The following TYW1 variants were observed in gnomAD, a reference collection of about 807,000 sequenced individuals.
TYW1 encodes S-adenosyl-L-methionine-dependent tRNA 4-demethylwyosine synthase TYW1.
In TYW1, 46 loss-of-function variants were observed where a neutral mutation model predicts 96.2. The observed-to-expected ratio is 0.48, with a 90% CI of 0.38 to 0.61. The LOEUF (loss-of-function observed/expected upper bound fraction) is 0.61, where lower values mean the gene tolerates loss of function less well. Ranked by LOEUF, TYW1 falls within the 20% of genes least tolerant of loss-of-function variation. The pLI, the probability that TYW1 is intolerant of heterozygous loss-of-function variation, is 0.00. For synonymous variants in TYW1, 274 were observed against 323.0 expected (o/e 0.85, Z 1.63); for missense variants, 684 against 909.6 (o/e 0.75, Z 3.19).
intron 7 of TYW1, among the ~76,000 whole-genome samples, chr7:67,039,398 C>T (rs1312845741): frequency 6.6e-6 from 1 of 150,642 alleles, no homozygotes; most frequent in Non-Finnish European, 1.5e-5. Flanking sequence ...GTGGAGCTTG[C>T]AGTGAGCCGA....
At chr7:67,139,584 G>T (rs1261060968) in intron 13 of TYW1, among the ~76,000 whole-genome samples, 5 of 152,090 alleles carry the variant, frequency 3.3e-5, no homozygotes, top group Non-Finnish European at 5.9e-5. Context: ...AGAACCCACA[G>T]ATATGAAAAG....
intron 13 of TYW1, among the ~76,000 whole-genome samples, chr7:67,158,867 G>A (rs1260133023): frequency 6.6e-6 from 1 of 152,110 alleles, no homozygotes; most frequent in African/African-American, 2.4e-5. Context: ...CACTGCACCC[G>A]CCCTCTTTTC....
At chr7:67,213,099 C>A (rs1801092340) in intron 15 of TYW1, among the ~76,000 whole-genome samples, 1 of 152,076 alleles carries the variant, frequency 6.6e-6, no homozygotes, top group Non-Finnish European at 1.5e-5. Context: ...TCTCGAACTC[C>A]TGACCTCAGG....
chr7:67,116,699 G>A (rs1332778190), intron 12 of TYW1, among the ~76,000 whole-genome samples: 3 of 151,956 alleles, frequency 2.0e-5, no homozygotes, highest in Admixed American at 6.6e-5. Context: ...GATTGGGCCG[G>A]GGGAAAAGAC....
At chr7:67,134,523 T>C (rs1208760064) in intron 13 of TYW1, among the ~76,000 whole-genome samples, 1 of 150,446 alleles carries the variant, frequency 6.6e-6, no homozygotes, top group African/African-American at 2.4e-5. Context: ...GGCTAGGTGA[T>C]AGAGCAAGAC....
chr7:67,035,379 G>A (rs1794804787), intron 7 of TYW1, among the ~76,000 whole-genome samples: 1 of 152,044 alleles, frequency 6.6e-6, no homozygotes, highest in African/African-American at 2.4e-5. Flanking sequence ...GTCTCCCAAA[G>A]TGTTGGGATT....
At position 67,083,472 on chromosome 7, in the gene TYW1, G is replaced by C. The variant is rs372808876; in HGVS notation, c.1317G>C (p.Met439Ile). 3 of 1,614,146 alleles carry C rather than the reference G, an allele frequency of 1.9e-6. No homozygotes were observed. The change falls in exon 11 of 16, where the codon ATG (methionine) becomes ATC (isoleucine). Residue 439 changes from methionine (M) to isoleucine (I), a missense_variant. Transcript: ENST00000359626. ...NPVGTEWRWKMDQPEMILKEA... is the reference protein window; with the variant it reads ...NPVGTEWRWKIDQPEMILKEA... ...TGGGCACTGAGTGGCGGTGGAAGAT[G>C]GACCAGCCTGAAATGATCTTGAAGG... is the stretch of plus-strand genomic sequence containing the variant.
At chr7:67,038,658 C>T (rs1794915523) in intron 7 of TYW1, among the ~76,000 whole-genome samples, 1 of 152,006 alleles carries the variant, frequency 6.6e-6, no homozygotes, top group African/African-American at 2.4e-5. Flanking sequence ...AATCCCAGCA[C>T]TTTGGGAGGC....
At chr7:67,190,919 C>G (rs1343891988) in intron 14 of TYW1, among the ~76,000 whole-genome samples, 3 of 152,152 alleles carry the variant, frequency 2.0e-5, no homozygotes, top group Non-Finnish European at 4.4e-5. Context: ...TTCCCACAGA[C>G]CATGAATCCC....
chr7:67,220,938 G>T (rs1380324410), intron 15 of TYW1, among the ~76,000 whole-genome samples: 2 of 151,538 alleles, frequency 1.3e-5, no homozygotes, highest in East Asian at 2.0e-4. Context: ...GGTTGGTCAG[G>T]CTGGTCTTGA....
intron 13 of TYW1, among the ~76,000 whole-genome samples, chr7:67,175,668 TAAAAAG>T (rs1799650587): frequency 6.6e-6 from 1 of 152,174 alleles, no homozygotes; most frequent in African/African-American, 2.4e-5. Flanking sequence ...GATGTCATAA[TAAAAAG>T]AAAGCTGGTA....
intron 9 of TYW1, among the ~76,000 whole-genome samples, chr7:67,062,577 A>AAAAAAAAAAGAAAAG (rs773963932): frequency 1.4e-5 from 2 of 147,120 alleles, no homozygotes; most frequent in Non-Finnish European, 3.0e-5. Context: ...AAAAAAAAAA[A>AAAAAAAAAAGAAAAG]AAAAGAAAAG....
In TYW1 at chr7:67,024,874, G is replaced by A. The variant is rs190765262; in HGVS notation, c.862-26G>A. 82 of 1,613,098 alleles carry A rather than the reference G, an allele frequency of 5.1e-5. No individual in the cohort carries two copies. In the African/African-American group the frequency reaches 9.7e-4, roughly 19 times the overall value. On this transcript the variant is annotated intron_variant, in intron 6 of 15. Transcript: ENST00000359626. ...CTTTGCCTTTGCCCCTTTGAACAAT[G>A]TATTTCTGAAGCATTTCTCTTCCAG...
chr7:67,059,765 A>G (rs1279030323), intron 9 of TYW1, among the ~76,000 whole-genome samples: 2 of 151,322 alleles, frequency 1.3e-5, no homozygotes, highest in East Asian at 1.9e-4. Flanking sequence ...TTCATCTTGT[A>G]GTTATTTTTA....
At chr7:67,193,343 A>T (rs1800280101) in intron 14 of TYW1, among the ~76,000 whole-genome samples, 1 of 152,200 alleles carries the variant, frequency 6.6e-6, no homozygotes, top group African/African-American at 2.4e-5. Context: ...AGTTTAGTGC[A>T]CCAGTCATCT....
chr7:67,039,464 A>C (rs1794946320), intron 7 of TYW1, among the ~76,000 whole-genome samples: 1 of 151,792 alleles, frequency 6.6e-6, no homozygotes, highest in Non-Finnish European at 1.5e-5. Flanking sequence ...TCTCAAAAAA[A>C]AAAAAAAGAA....
chr7:67,124,314 G>A (rs1481989134), intron 13 of TYW1, among the ~76,000 whole-genome samples: 1 of 152,004 alleles, frequency 6.6e-6, no homozygotes, highest in East Asian at 1.9e-4. Flanking sequence ...GCCCAAGCTG[G>A]TCTTGAACTC....
At chr7:67,202,155 G>C (rs766405443) in intron 15 of TYW1, among the ~76,000 whole-genome samples, 1 of 152,060 alleles carries the variant, frequency 6.6e-6, no homozygotes, top group Non-Finnish European at 1.5e-5. Flanking sequence ...TTTCGTTGTT[G>C]ATCTCGGAGT....
chr7:67,220,201 A>ATTTTTTTTTTTTTTTTT (rs57595328), intron 15 of TYW1, among the ~76,000 whole-genome samples: 4 of 93,168 alleles, frequency 4.3e-5, no homozygotes, highest in Admixed American at 1.4e-4. Flanking sequence ...TCATTTATTG[A>ATTTTTTTTTTTTTTTTT]TTTTTTTTTT....
Sources: gnomAD v4.1 joint callset for allele counts (sites outside exome capture counted in the v4.1 genomes callset) on GRCh38, gnomAD v4.1.1 for gene constraint, MANE v1.5 for transcripts, NCBI Gene and HGNC (gene_info 2026-07-23, HGNC 2026-07-21) for gene names.